Variants in CPXM2 observed in about 807,000 individuals in gnomAD.
The protein encoded by CPXM2 is carboxypeptidase X, M14 family member 2.
CPXM2 carries 66 observed loss-of-function variants against 86.1 expected under a neutral mutation model. That is an observed-to-expected ratio of 0.77 (90% CI 0.63 to 0.94). The LOEUF is 0.94. Ranked by LOEUF, CPXM2 falls within the 40% of genes least tolerant of loss-of-function variation. The pLI is 0.00. For synonymous variants in CPXM2, 388 were observed against 400.2 expected, an observed-to-expected ratio of 0.97 and a Z score of 0.36; for missense variants, 948 against 1,026.3, an observed-to-expected ratio of 0.92 and a Z score of 1.04.
intron 2 of CPXM2, among the ~76,000 whole-genome samples, chr10:123,876,844 T>A (rs186834903): frequency 3.9e-5 from 6 of 152,336 alleles, no homozygotes; most frequent in African/African-American, 1.4e-4. Flanking sequence ...CATTATTTAA[T>A]CTTCACAATA....
chr10:123,858,672 C>T (rs1007981679), intron 3 of CPXM2, among the ~76,000 whole-genome samples: 3 of 152,182 alleles, frequency 2.0e-5, no homozygotes, highest in Non-Finnish European at 2.9e-5. Flanking sequence ...AATGAAATCA[C>T]GTGCATAAGG....
At chr10:123,818,435 G>A (rs981829767) in intron 4 of CPXM2, among the ~76,000 whole-genome samples, 2 of 152,196 alleles carry the variant, frequency 1.3e-5, no homozygotes, top group African/African-American at 4.8e-5. Flanking sequence ...CCAGCTACCA[G>A]GCAGCAGGTT....
At chr10:123,851,541 G>A (rs958357858) in intron 3 of CPXM2, among the ~76,000 whole-genome samples, 18 of 152,178 alleles carry the variant, frequency 1.2e-4, no homozygotes, top group Middle Eastern at 3.4e-3. Context: ...AGGCCAAGGC[G>A]GGCGGATCAC....
intron 2 of CPXM2, among the ~76,000 whole-genome samples, chr10:123,904,624 C>T (rs1037433352): frequency 2.5e-4 from 38 of 152,114 alleles, no homozygotes; most frequent in African/African-American, 8.9e-4. Context: ...TGGCATGGGG[C>T]GAGGGTTCAG....
intron 7 of CPXM2, chr10:123,777,053 G>T (rs1236758056): frequency 1.3e-5 from 2 of 152,268 alleles, no homozygotes; most frequent in Non-Finnish European, 2.9e-5. Context: ...GGAAGGAATG[G>T]AGTTGAGTGT....
chr10:123,833,049 C>A (rs1036878253), intron 4 of CPXM2, among the ~76,000 whole-genome samples: 1 of 152,182 alleles, frequency 6.6e-6, no homozygotes, highest in Non-Finnish European at 1.5e-5. Context: ...CCTGCCAGCA[C>A]TTCGATCTTG....
intron 6 of CPXM2, among the ~76,000 whole-genome samples, 181 bp from the exon 7 acceptor site, chr10:123,780,436 TAAG>T (rs1846907477): frequency 1.3e-5 from 2 of 152,146 alleles, no homozygotes; most frequent in Admixed American, 1.3e-4. Context: ...ACCCAGTGGT[TAAG>T]AGTGGGGAGC....
At chr10:123,880,384 C>T in intron 1 of CPXM2, 75 bp from the exon 2 acceptor site, 2 of 752,482 alleles carry the variant, frequency 2.7e-6, no homozygotes, top group Non-Finnish European at 4.9e-6. Context: ...GTTCAACTGT[C>T]CTCTCCTGCA....
At chr10:123,895,142 T>C (rs1242780562), upstream of CPXM2, among the ~76,000 whole-genome samples, 1 of 145,764 alleles carries the variant, frequency 6.9e-6, no homozygotes, top group African/African-American at 2.6e-5. Flanking sequence ...TTTTTTTTTT[T>C]TGACAGAGTC....
intron 2 of CPXM2, chr10:123,914,128 G>A: frequency 2.2e-6 from 1 of 457,676 alleles, no homozygotes; most frequent in Admixed American, 2.3e-5. Context: ...CTGAGAAGCA[G>A]AGGAAATGAG....
At chr10:123,876,108 C>G (rs1473800229) in intron 2 of CPXM2, among the ~76,000 whole-genome samples, 1 of 152,088 alleles carries the variant, frequency 6.6e-6, no homozygotes, top group Non-Finnish European at 1.5e-5. Context: ...TGAGCTACTG[C>G]ACCCGGCTGA....
At chr10:123,908,426 C>T (rs7909043) in intron 2 of CPXM2, among the ~76,000 whole-genome samples, 17,578 of 152,182 alleles carry the variant, frequency 0.12, 3,037 homozygotes, top group African/African-American at 0.38. Context: ...TTTCTTCATT[C>T]GATCACTCAA....
intron 4 of CPXM2, among the ~76,000 whole-genome samples, chr10:123,839,285 C>G (rs1234492776): frequency 6.6e-6 from 1 of 152,216 alleles, no homozygotes; most frequent in East Asian, 1.9e-4. Flanking sequence ...CCATCCAGCT[C>G]CAGACACCTG....
At chr10:123,895,112 CTTTTTTTTCTTTTTT>C (rs1437667211), upstream of CPXM2, among the ~76,000 whole-genome samples, 9 of 111,734 alleles carry the variant, frequency 8.1e-5, no homozygotes, top group East Asian at 6.3e-4. Context: ...TTTTTTTTTT[CTTTTTTTTCTTTTTT>C]TTTTTTTTTT....
intron 4 of CPXM2, among the ~76,000 whole-genome samples, chr10:123,815,020 G>T (rs965882341): frequency 6.6e-6 from 1 of 152,038 alleles, no homozygotes; most frequent in African/African-American, 2.4e-5. Flanking sequence ...GTGGGACCTC[G>T]TCTAAAAAAG....
intron 4 of CPXM2, 91 bp downstream of exon 4, chr10:123,842,258 C>T: frequency 6.5e-7 from 1 of 1,539,928 alleles, no homozygotes; most frequent in East Asian, 2.3e-5. Context: ...CACCAAACAC[C>T]TCTCTGCAAC....
chr10:123,926,655 CT>C (rs1173532781), intron 2 of CPXM2, among the ~76,000 whole-genome samples: 1 of 152,194 alleles, frequency 6.6e-6, no homozygotes, highest in Non-Finnish European at 1.5e-5. Context: ...ATCTGTCTGC[CT>C]TTTGTTTTTG....
chr10:123,892,443 C>T (rs1185273115), upstream of CPXM2, among the ~76,000 whole-genome samples: 1 of 152,198 alleles, frequency 6.6e-6, no homozygotes, highest in Non-Finnish European at 1.5e-5. Context: ...AGAGCAGGCT[C>T]TTGCCCAGAG....
At chr10:123,871,010 C>T (rs571408472) in intron 2 of CPXM2, among the ~76,000 whole-genome samples, 3 of 152,330 alleles carry the variant, frequency 2.0e-5, no homozygotes, top group Admixed American at 6.5e-5. Flanking sequence ...ACAGAGGACA[C>T]TCTCAAAGAA....
Sources: allele counts gnomAD v4.1 joint callset (sites outside exome capture counted in the v4.1 genomes callset), GRCh38; gene constraint gnomAD v4.1.1; transcripts MANE v1.5; gene names NCBI Gene and HGNC (gene_info 2026-07-23, HGNC 2026-07-21).